Variants in EDN3 observed in about 807,000 individuals in gnomAD.
The protein encoded by EDN3 is endothelin 3.
EDN3 carries 9 observed loss-of-function variants against 21.4 expected under a neutral mutation model. The observed-to-expected ratio is 0.42, with a 90% CI of 0.25 to 0.73. EDN3 has a LOEUF of 0.73. Among genes scored for constraint, EDN3 ranks in the 30% least tolerant of loss-of-function variants. The probability of loss-of-function intolerance (pLI) is 0.26; values close to 1 mark genes in which losing one functional copy is unlikely to be tolerated. For missense variants in EDN3, 327 were observed against 309.4 expected (o/e 1.06, Z -0.43); for synonymous variants, 133 against 126.2 (o/e 1.05, Z -0.36).
At position 59,302,079 on chromosome 20, in the gene EDN3, C is replaced by T. The variant is rs11570258; in HGVS notation, c.365+357C>T. Among the ~76,000 whole-genome samples, 11 of 152,280 alleles carry T rather than the reference C, an allele frequency of 7.2e-5. No homozygotes were observed. The South Asian group carries it at 1.9e-3, about 26-fold the overall frequency. ...GAAAGCCCCGAAAGTTTATCTCATT[C>T]CCCAGGGGCCAAGGGGGCTCATACT... On this transcript the variant is annotated intron_variant, in intron 2 of 4. Transcript: ENST00000337938.
chr20:59,307,604 G>T (rs1330851382), intron 2 of EDN3, among the ~76,000 whole-genome samples: 1 of 152,154 alleles, frequency 6.6e-6, no homozygotes, highest in Admixed American at 6.5e-5. Context: ...GCCTCACCTG[G>T]GTCAGTATTG....
In EDN3 at chr20:59,300,777, C is replaced by T; in HGVS notation, c.-36C>T. The T allele has an allele frequency of 1.9e-6, 3 of 1,600,340 alleles. No individual in the cohort carries two copies. The highest frequency in any genetic ancestry group is 2.6e-6 in the Non-Finnish European group (3 of 1,174,980). On this transcript the variant is annotated 5_prime_UTR_variant, in exon 1 of 5. Transcript: ENST00000337938. ...CCTTTCGCGGCCACAAGCGGCCGTCCTCCTGGTCCGGTGCTCCGGCGCCTG... is the reference window on the plus strand; with the variant it reads ...CCTTTCGCGGCCACAAGCGGCCGTCTTCCTGGTCCGGTGCTCCGGCGCCTG...
rs982021212 is a variant in EDN3 at position 59,322,141 on chromosome 20, C to T, written c.543-231C>T. On this transcript the variant is annotated intron_variant, in intron 3 of 4. Coordinates refer to ENST00000337938, the MANE Select transcript of EDN3 (RefSeq NM_207034.3). This position sits in a 1 kb window ranked among gnomAD's most constrained non-coding sequence, Gnocchi z 4.1. ...GTGTGAACTGCATGGTTTTTCCCCC[C>T]TTCTGGGCTTTTAAACATCCGATGA... Among the ~76,000 whole-genome samples, 1 of 152,200 alleles carries T rather than the reference C, an allele frequency of 6.6e-6. No individual in the cohort carries two copies. Among genetic ancestry groups the T allele is most frequent in the African/African-American group, 2.4e-5 (1 of 41,440 alleles).
chr20:59,313,681 G>A (rs375140027), intron 2 of EDN3, among the ~76,000 whole-genome samples: 10 of 152,216 alleles, frequency 6.6e-5, no homozygotes, highest in African/African-American at 2.4e-4. Context: ...TGGGATGAAC[G>A]GTCTGCCTTG....
intron 2 of EDN3, among the ~76,000 whole-genome samples, chr20:59,314,229 A>G (rs1212417592): frequency 6.6e-6 from 1 of 152,204 alleles, no homozygotes; most frequent in African/African-American, 2.4e-5. Context: ...GATTCTGAAC[A>G]TGCTTTTCTG....
rs531099791 is a variant in EDN3 at position 59,308,621 on chromosome 20, G to A, written c.365+6899G>A. On this transcript the variant is annotated intron_variant, in intron 2 of 4. Transcript: ENST00000337938. ...TGGGGGAATAGATAGCACTCTATGA[G>A]GAAAGATGTTTTCAGGATGACACAA... Among the ~76,000 whole-genome samples, 9 of 152,318 alleles carry A rather than the reference G, an allele frequency of 5.9e-5. No homozygotes were observed. In the South Asian group the frequency reaches 1.7e-3, roughly 28 times the overall value.
intron 2 of EDN3, among the ~76,000 whole-genome samples, chr20:59,313,132 G>A (rs1488922838): frequency 6.6e-6 from 1 of 152,238 alleles, no homozygotes; most frequent in African/African-American, 2.4e-5. Context: ...GATCCATTGA[G>A]TCAGCCAAGA....
At chr20:59,312,517 A>G (rs895118635) in intron 2 of EDN3, among the ~76,000 whole-genome samples, 4 of 152,182 alleles carry the variant, frequency 2.6e-5, no homozygotes, top group East Asian at 3.8e-4. Flanking sequence ...GAATAGGTCT[A>G]TGGTCCAATG....
At chr20:59,303,452 G>A (rs140969357) in intron 2 of EDN3, among the ~76,000 whole-genome samples, 3 of 152,300 alleles carry the variant, frequency 2.0e-5, no homozygotes, top group Non-Finnish European at 4.4e-5. Context: ...GAGGGCACTG[G>A]GCAGTCACCA....
chr20:59,301,865 C>G (rs192030206), intron 2 of EDN3, 143 bp downstream of exon 2: 4 of 953,912 alleles, frequency 4.2e-6, no homozygotes, highest in Non-Finnish European at 5.0e-6. Flanking sequence ...TTGCTGGGGC[C>G]TCTTGCCAGC....
intron 2 of EDN3, among the ~76,000 whole-genome samples, chr20:59,314,467 C>T (rs143901967): frequency 3.9e-5 from 6 of 152,112 alleles, no homozygotes; most frequent in South Asian, 2.1e-4. Flanking sequence ...CAAGAAGAAG[C>T]CCTAGGCTCT....
At chr20:59,300,907 A>T in intron 1 of EDN3, 43 bp downstream of exon 1, 2 of 1,603,422 alleles carry the variant, frequency 1.2e-6, no homozygotes, top group Non-Finnish European at 1.7e-6. Flanking sequence ...GCGAGCGCAC[A>T]CAAAAGGACC....
intron 2 of EDN3, among the ~76,000 whole-genome samples, chr20:59,318,567 C>G (rs931716962): frequency 6.6e-6 from 1 of 152,186 alleles, no homozygotes; most frequent in African/African-American, 2.4e-5. Context: ...CCGCACGGGT[C>G]GGTCAGCAGA....
At chr20:59,317,817 G>A (rs1399317959) in intron 2 of EDN3, among the ~76,000 whole-genome samples, 2 of 152,220 alleles carry the variant, frequency 1.3e-5, no homozygotes, top group African/African-American at 4.8e-5. Context: ...ATCTCACCAT[G>A]AATTACCAGT....
chr20:59,315,518 C>T (rs2146858959), intron 2 of EDN3, among the ~76,000 whole-genome samples: 1 of 152,354 alleles, frequency 6.6e-6, no homozygotes, highest in East Asian at 1.9e-4. Flanking sequence ...ACACTCAAGT[C>T]ACCAGCTGGG....
intron 2 of EDN3, among the ~76,000 whole-genome samples, chr20:59,318,084 G>A (rs11570323): frequency 1.2e-4 from 18 of 152,168 alleles, no homozygotes; most frequent in Non-Finnish European, 1.8e-4. Context: ...GTATTCAGGG[G>A]CTGGAATTCC....
At chr20:59,311,750 G>T (rs545351146) in intron 2 of EDN3, among the ~76,000 whole-genome samples, 1 of 151,600 alleles carries the variant, frequency 6.6e-6, no homozygotes, top group Non-Finnish European at 1.5e-5. Flanking sequence ...GAGTAAGAAT[G>T]CCTCACCTTC....
At chr20:59,313,265 G>A (rs1169461575) in intron 2 of EDN3, among the ~76,000 whole-genome samples, 2 of 152,192 alleles carry the variant, frequency 1.3e-5, no homozygotes, top group East Asian at 1.9e-4. Context: ...AGCCAGACAT[G>A]GTGTCAGCTG....
Position 59,325,937 on chromosome 20 carries a change from C to G in EDN3, c.*1478C>G, listed in dbSNP as rs980855872. On this transcript the variant is annotated 3_prime_UTR_variant, in exon 5 of 5. Transcript: ENST00000337938. The stretch of plus-strand genomic sequence containing the variant: ...ATCAGAGAGAAACCCATCAATTGCT[C>G]AAATACTCAGAAAGTACTGTCAAAA... 1.3e-5 allele frequency: 2 copies of G among 152,214 alleles called. No homozygotes were observed. The highest frequency in any genetic ancestry group is 2.9e-5 in the Non-Finnish European group (2 of 68,044). 9.4% of individuals were successfully genotyped at this position (152,214 alleles called of 1,614,324 possible).
Sources: allele counts gnomAD v4.1 joint callset (sites outside exome capture counted in the v4.1 genomes callset), GRCh38; gene constraint gnomAD v4.1.1; non-coding constraint Gnocchi (gnomAD v3.1); transcripts MANE v1.5; gene names NCBI Gene and HGNC (gene_info 2026-07-23, HGNC 2026-07-21).